DCBLD1: variants seen among roughly 807,000 people sequenced by gnomAD.
The protein encoded by DCBLD1 is discoidin, CUB and LCCL domain containing 1, also known as discoidin, CUB and LCCL domain-containing protein 1.
DCBLD1 carries 57 observed loss-of-function variants against 71.5 expected under a neutral mutation model. The ratio of observed to expected loss-of-function variants is 0.80; its 90% CI spans 0.64 to 0.99. DCBLD1 has a LOEUF of 0.99. Among genes scored for constraint, DCBLD1 ranks in the 50% least tolerant of loss-of-function variants. The pLI is 0.00. For synonymous variants in DCBLD1, 380 were observed against 363.8 expected, an observed-to-expected ratio of 1.04 and a Z score of -0.51; for missense variants, 891 against 923.5, an observed-to-expected ratio of 0.96 and a Z score of 0.46.
chr6:117,504,698 A>G (rs993199262), intron 2 of DCBLD1, among the ~76,000 whole-genome samples: 1 of 152,212 alleles, frequency 6.6e-6, no homozygotes, highest in Middle Eastern at 3.2e-3. Flanking sequence ...GTGCTTTGAG[A>G]TGTGCTGTTA....
chr6:117,552,146 A>C (rs2114585234), downstream of DCBLD1, among the ~76,000 whole-genome samples: 1 of 152,294 alleles, frequency 6.6e-6, no homozygotes, highest in African/African-American at 2.4e-5. Context: ...TTTTAAAAAG[A>C]GAAAATAGCA....
chr6:117,566,857 G>A (rs1779707014), intron 14 of DCBLD1: 3 of 1,554,974 alleles, frequency 1.9e-6, no homozygotes, highest in Non-Finnish European at 2.6e-6. Context: ...TTTTTACCTT[G>A]TAATACTTTG....
chr6:117,503,203 G>C (rs1247177730), intron 1 of DCBLD1, among the ~76,000 whole-genome samples: 1 of 152,162 alleles, frequency 6.6e-6, no homozygotes, highest in African/African-American at 2.4e-5. Flanking sequence ...CCAAGTCTAT[G>C]AGGAACTTTA....
chr6:117,492,272 G>C (rs1777319354), intron 1 of DCBLD1, among the ~76,000 whole-genome samples: 1 of 152,166 alleles, frequency 6.6e-6, no homozygotes, highest in Non-Finnish European at 1.5e-5. Context: ...TTGAATCGTT[G>C]TATGTTTTTT....
intron 5 of DCBLD1, among the ~76,000 whole-genome samples, chr6:117,526,900 CT>C (rs1399293046): frequency 2.6e-5 from 4 of 152,212 alleles, no homozygotes; most frequent in African/African-American, 9.6e-5. Context: ...GCTGGGTTCT[CT>C]GCTTCAGGGT....
intron 7 of DCBLD1, among the ~76,000 whole-genome samples, chr6:117,537,687 TTTTA>T (rs1189078040): frequency 7.1e-6 from 1 of 140,558 alleles, no homozygotes; most frequent in African/African-American, 2.7e-5. Flanking sequence ...TTTTTTTTTT[TTTTA>T]AGGAGGCAGA....
At chr6:117,547,673 C>T in intron 14 of DCBLD1, 1 of 839,258 alleles carries the variant, frequency 1.2e-6, no homozygotes, top group Non-Finnish European at 2.0e-6. Flanking sequence ...GTCGTCGTCG[C>T]CCCCATCTCT....
intron 14 of DCBLD1, chr6:117,561,108 T>C (rs1000596641): frequency 4.5e-6 from 1 of 223,316 alleles, no homozygotes; most frequent in African/African-American, 2.2e-5. Context: ...TAAACCACAG[T>C]GAAGCAGGAA....
chr6:117,523,181 A>G (rs1327357895), intron 4 of DCBLD1, among the ~76,000 whole-genome samples: 1 of 152,180 alleles, frequency 6.6e-6, no homozygotes, highest in Non-Finnish European at 1.5e-5. Flanking sequence ...AAAGAAAGGG[A>G]ATATATCCAA....
At chr6:117,506,217 C>T (rs774676844) in intron 2 of DCBLD1, among the ~76,000 whole-genome samples, 6 of 151,922 alleles carry the variant, frequency 3.9e-5, no homozygotes, top group Non-Finnish European at 2.9e-5. Flanking sequence ...GTGGGGAAAC[C>T]GAGGCACAGT....
intron 1 of DCBLD1, chr6:117,494,703 A>G (rs1777413127): frequency 6.6e-6 from 1 of 152,190 alleles, no homozygotes; most frequent in African/African-American, 2.4e-5. Flanking sequence ...AACAGTGAGA[A>G]AAGTCTTGCT....
chr6:117,548,177 G>A lies in DCBLD1; in HGVS notation c.1886G>A (p.Gly629Asp). The A allele has an allele frequency of 1.9e-6, 3 of 1,550,354 alleles. No homozygotes were observed. Among genetic ancestry groups the A allele is most frequent in the Non-Finnish European group, 2.6e-6 (3 of 1,146,906 alleles). The part of the protein sequence containing the change: ...SGYRVPGPQP[G>D]HKHSLSSGGF... ...TACCGCGTCCCAGGGCCCCAGCCCG[G>A]CCACAAACACTCCCTCTCCTCGGGC... Residue 629 changes from glycine to aspartate, a missense_variant, in exon 15 of 15, where the codon GGC (glycine) becomes GAC (aspartate). By Grantham distance (94) the Gly-to-Asp change is moderately conservative. Transcript: ENST00000338728.
intron 11 of DCBLD1, among the ~76,000 whole-genome samples, chr6:117,542,309 G>T (rs967494604): frequency 1.4e-5 from 2 of 142,714 alleles, no homozygotes; most frequent in African/African-American, 2.5e-5. Context: ...AAAAAAAAAA[G>T]AAAAAGAAGT....
rs540258429 is a variant in DCBLD1 at position 117,537,496 on chromosome 6, T to A, written c.760+271T>A. Among the ~76,000 whole-genome samples the A allele has an allele frequency of 1.3e-3, 195 of 149,146 alleles. 2 individuals are homozygous for A. Among genetic ancestry groups the A allele is most frequent in the African/African-American group, 4.6e-3 (187 of 40,364 alleles). ...TTGCAGTGAGCTGAGATTGCGCCAC[T>A]GCACTCCAGCCTGGGTAACAGAGCG... On this transcript the variant is annotated intron_variant, in intron 7 of 14. Transcript: ENST00000338728.
At chr6:117,536,925 A>T (rs767963345) in intron 6 of DCBLD1, among the ~76,000 whole-genome samples, 2 of 152,244 alleles carry the variant, frequency 1.3e-5, no homozygotes, top group African/African-American at 4.8e-5. Flanking sequence ...CAAAAGCAGC[A>T]TCTCAGAGTC....
At position 117,539,430 on chromosome 6, in the gene DCBLD1, A is replaced by G. The variant is rs777655426; in HGVS notation, c.1101+51A>G. The G allele has an allele frequency of 3.9e-6, 6 of 1,528,970 alleles. No individual in the cohort carries two copies. The Admixed American group carries it at 7.1e-5, about 18-fold the overall frequency. The allele number at this position is 1,528,970 out of a possible 1,614,324, so 94.7% of individuals were successfully genotyped here. A position where few individuals can be genotyped will look rare whatever the true frequency, so the allele number is the denominator to read the frequency against. ...GAACTGAGTAGGAGAACAGGCCTCT[A>G]TATATTTTCATCAATGTGTTTACAT... On this transcript the variant is annotated intron_variant, in intron 9 of 14. Coordinates refer to ENST00000338728, the MANE Select transcript of DCBLD1 (RefSeq NM_001366458.2).
At chr6:117,515,020 GTTTT>G (rs757426605) in intron 2 of DCBLD1, among the ~76,000 whole-genome samples, 1 of 136,996 alleles carries the variant, frequency 7.3e-6, no homozygotes, top group Non-Finnish European at 1.6e-5. Flanking sequence ...CAGTTTGTGG[GTTTT>G]TTTTTTTTTT....
At chr6:117,564,533 A>C (rs576348154) in intron 14 of DCBLD1, among the ~76,000 whole-genome samples, 1 of 152,330 alleles carries the variant, frequency 6.6e-6, no homozygotes, top group South Asian at 2.1e-4. Context: ...AGTGTTGACT[A>C]TATCACCTAT....
At chr6:117,538,334 G>C (rs1404568233) in intron 7 of DCBLD1, among the ~76,000 whole-genome samples, 1 of 152,206 alleles carries the variant, frequency 6.6e-6, no homozygotes, top group Non-Finnish European at 1.5e-5. Context: ...GATGAATATA[G>C]AAGGTTAGAA....
Sources: allele counts gnomAD v4.1 joint callset (sites outside exome capture counted in the v4.1 genomes callset), GRCh38; gene constraint gnomAD v4.1.1; transcripts MANE v1.5; gene names NCBI Gene and HGNC (gene_info 2026-07-23, HGNC 2026-07-21).